The following HOMER2 variants were observed in gnomAD, a reference collection of about 807,000 sequenced individuals.
HOMER2 encodes the protein homer scaffold protein 2.
Under a neutral mutation model 47.0 loss-of-function variants are expected in HOMER2, and 27 were observed. The observed-to-expected ratio is 0.57, with a 90% CI of 0.42 to 0.79. The LOEUF is 0.79. Among genes scored for constraint, HOMER2 ranks in the 30% least tolerant of loss-of-function variants. HOMER2 has a pLI of 0.00. For synonymous variants in HOMER2, 161 were observed against 163.8 expected, an observed-to-expected ratio of 0.98 and a Z score of 0.13; for missense variants, 443 against 435.0, an observed-to-expected ratio of 1.02 and a Z score of -0.16.
chr15:82,928,171 C>G (rs900986070), intron 1 of HOMER2, among the ~76,000 whole-genome samples: 4 of 152,138 alleles, frequency 2.6e-5, no homozygotes, highest in African/African-American at 9.7e-5. Context: ...TGGGCTAAAT[C>G]TATTGTGTGC....
chr15:82,904,408 G>A (rs1187489056), intron 1 of HOMER2, among the ~76,000 whole-genome samples: 1 of 152,190 alleles, frequency 6.6e-6, no homozygotes, highest in African/African-American at 2.4e-5. Flanking sequence ...ATCATAGGGG[G>A]GCCTGCCCAC....
chr15:82,835,931 A>G (rs960355094), downstream of HOMER2: 2 of 152,252 alleles, frequency 1.3e-5, no homozygotes, highest in Non-Finnish European at 2.9e-5. Flanking sequence ...CATATTTTGC[A>G]GTTTGGCATT....
At chr15:82,928,094 A>G (rs992317602) in intron 1 of HOMER2, among the ~76,000 whole-genome samples, 10 of 152,074 alleles carry the variant, frequency 6.6e-5, no homozygotes, top group African/African-American at 9.7e-5. Flanking sequence ...CAACCACTAT[A>G]GTATTGGCAG....
chr15:82,890,128 A>G (rs940193719), intron 2 of HOMER2, among the ~76,000 whole-genome samples: 5 of 152,192 alleles, frequency 3.3e-5, no homozygotes, highest in African/African-American at 1.2e-4. Flanking sequence ...AGATCACTTC[A>G]GGCCAGGAGT....
chr15:82,924,624 C>T (rs1050271794), intron 1 of HOMER2, among the ~76,000 whole-genome samples: 3 of 152,166 alleles, frequency 2.0e-5, no homozygotes, highest in Admixed American at 1.3e-4. Flanking sequence ...CATGGTCATA[C>T]GGCAATGCTT....
intron 3 of HOMER2, among the ~76,000 whole-genome samples, chr15:82,868,541 A>ATATATATTTT: frequency 1.3e-4 from 9 of 71,258 alleles, no homozygotes; most frequent in Admixed American, 1.8e-4. Flanking sequence ...ATATATATAT[A>ATATATATTTT]TTTTTTTTTT....
chr15:82,923,146 T>C (rs1037825525), intron 1 of HOMER2, among the ~76,000 whole-genome samples: 1 of 151,966 alleles, frequency 6.6e-6, no homozygotes. Context: ...TCCCCTTGGG[T>C]AGGGATCAGG....
intron 1 of HOMER2, among the ~76,000 whole-genome samples, chr15:82,944,972 G>T (rs1328109818): frequency 2.6e-5 from 4 of 151,904 alleles, no homozygotes; most frequent in African/African-American, 9.7e-5. Flanking sequence ...GAATTACTCG[G>T]CCCTGATATT....
intron 2 of HOMER2, among the ~76,000 whole-genome samples, chr15:82,882,333 C>T (rs1048931754): frequency 6.6e-6 from 1 of 152,202 alleles, no homozygotes; most frequent in African/African-American, 2.4e-5. Context: ...CTCATTCCCC[C>T]ACCCCCTTCT....
chr15:82,929,930 A>T (rs1482620259), intron 1 of HOMER2, among the ~76,000 whole-genome samples: 2 of 151,580 alleles, frequency 1.3e-5, no homozygotes, highest in Non-Finnish European at 2.9e-5. Context: ...GGGCTTCTCC[A>T]TGTTGGTCAG....
chr15:82,939,962 C>T (rs748854091), intron 1 of HOMER2, among the ~76,000 whole-genome samples: 2 of 152,108 alleles, frequency 1.3e-5, no homozygotes, highest in Non-Finnish European at 2.9e-5. Flanking sequence ...CAAACTGTCG[C>T]AAGGACAGAA....
chr15:82,938,078 A>C (rs2054180358), intron 1 of HOMER2, among the ~76,000 whole-genome samples: 2 of 152,166 alleles, frequency 1.3e-5, no homozygotes, highest in South Asian at 4.1e-4. Context: ...ACAGAGAAGA[A>C]AATGCCAGCT....
At chr15:82,891,630 T>G (rs749850821) in intron 2 of HOMER2, among the ~76,000 whole-genome samples, 1 of 152,092 alleles carries the variant, frequency 6.6e-6, no homozygotes, top group Non-Finnish European at 1.5e-5. Flanking sequence ...CCCACTCCCC[T>G]GCTTCCTGTT....
intron 1 of HOMER2, among the ~76,000 whole-genome samples, chr15:82,960,390 G>A (rs1373001230): frequency 1.3e-5 from 2 of 152,168 alleles, no homozygotes; most frequent in African/African-American, 4.8e-5. Flanking sequence ...CCTGGGAAGT[G>A]TGTGTTGAAC....
chr15:82,975,662 A>G (rs2030175285), intron 1 of HOMER2, among the ~76,000 whole-genome samples: 1 of 152,160 alleles, frequency 6.6e-6, no homozygotes, highest in Non-Finnish European at 1.5e-5. Flanking sequence ...TAAAAATCAC[A>G]ACAATTGAAC....
At chr15:82,903,778 TG>T (rs1262400437) in intron 1 of HOMER2, among the ~76,000 whole-genome samples, 6 of 152,278 alleles carry the variant, frequency 3.9e-5, no homozygotes, top group Non-Finnish European at 7.4e-5. Context: ...GCAGATGGCT[TG>T]AGGCCAGGAA....
rs570468156 is a variant in HOMER2 at position 82,902,489 on chromosome 15, C to CCCAG, written c.6-9652_6-9649dup. Reference sequence around the variant, plus strand: ...GGGATTACAGGCATGAGCCACTGTGCCCAGCCAATATCCAAGTGATTTCTA... The same window carrying CCCAG: ...GGGATTACAGGCATGAGCCACTGTGCCCAGCCAGCCAATATCCAAGTGATTTCTA... On this transcript the variant is annotated intron_variant, in intron 1 of 8. Transcript: ENST00000450735. Among the ~76,000 whole-genome samples, 190 of 152,286 alleles carry CCCAG rather than the reference C, an allele frequency of 1.2e-3. 2 individuals are homozygous for CCCAG. Among genetic ancestry groups the CCCAG allele is most frequent in the Admixed American group, 5.0e-3 (76 of 15,296 alleles).
At chr15:82,870,428 G>A (rs1436293563) in intron 3 of HOMER2, among the ~76,000 whole-genome samples, 1 of 152,060 alleles carries the variant, frequency 6.6e-6, no homozygotes, top group Non-Finnish European at 1.5e-5. Context: ...TAGAGCTTTA[G>A]AAGCCATCTT....
intron 1 of HOMER2, among the ~76,000 whole-genome samples, chr15:82,971,763 G>C (rs1241481026): frequency 6.6e-6 from 1 of 151,798 alleles, no homozygotes; most frequent in Non-Finnish European, 1.5e-5. Context: ...GGACAGAACA[G>C]AACTGATATG....
Sources: gnomAD v4.1 joint callset for allele counts (sites outside exome capture counted in the v4.1 genomes callset) on GRCh38, gnomAD v4.1.1 for gene constraint, MANE v1.5 for transcripts, NCBI Gene and HGNC (gene_info 2026-07-23, HGNC 2026-07-21) for gene names.